Variants in GRM7 observed in about 807,000 individuals in gnomAD.
GRM7 encodes metabotropic glutamate receptor 7.
A neutral mutation model predicts 84.5 loss-of-function variants in GRM7; 35 were observed. That is an observed-to-expected ratio of 0.41 (90% CI 0.32 to 0.55). GRM7 has a LOEUF of 0.55. GRM7 is among the 20% of genes least tolerant of loss of function. The pLI is 0.19. For missense variants in GRM7, 1,003 were observed against 1,194.6 expected (o/e 0.84, Z 2.36); for synonymous variants, 487 against 455.1 (o/e 1.07, Z -0.89).
intron 8 of GRM7, among the ~76,000 whole-genome samples, chr3:7,664,457 G>T (rs78890991): frequency 1.3e-5 from 2 of 152,148 alleles, no homozygotes; most frequent in Admixed American, 1.3e-4. Context: ...GTACCTTTCC[G>T]AGTATCTCAT....
intron 5 of GRM7, among the ~76,000 whole-genome samples, chr3:7,451,175 A>C (rs1697751488): frequency 6.6e-6 from 1 of 152,212 alleles, no homozygotes; most frequent in African/African-American, 2.4e-5. Flanking sequence ...CAAGAGGTCT[A>C]GAGAGAGCTA....
intron 4 of GRM7, among the ~76,000 whole-genome samples, chr3:7,311,172 A>G (rs1700377685): frequency 6.6e-6 from 1 of 152,228 alleles, no homozygotes; most frequent in Non-Finnish European, 1.5e-5. Flanking sequence ...ATTCAAATAT[A>G]CCTGGGAAAT....
intron 7 of GRM7, among the ~76,000 whole-genome samples, chr3:7,552,168 C>A (rs1315055365): frequency 4.6e-5 from 7 of 152,196 alleles, no homozygotes; most frequent in Non-Finnish European, 1.0e-4. Flanking sequence ...GCCAGGCAGT[C>A]AAATCTTAAA....
At chr3:7,141,145 A>G (rs1288176004) in intron 1 of GRM7, among the ~76,000 whole-genome samples, 1 of 152,082 alleles carries the variant, frequency 6.6e-6, no homozygotes, top group Admixed American at 6.6e-5. Context: ...TGGAAACTCT[A>G]GCTGAAGTAA....
At chr3:7,157,496 CCTT>C (rs1439997560) in intron 2 of GRM7, among the ~76,000 whole-genome samples, 2 of 150,518 alleles carry the variant, frequency 1.3e-5, no homozygotes. Flanking sequence ...ATTTTTTTTT[CCTT>C]CTTCTTTTTT....
intron 2 of GRM7, among the ~76,000 whole-genome samples, chr3:7,281,943 C>T (rs1356847263): frequency 1.3e-5 from 2 of 152,062 alleles, no homozygotes; most frequent in Non-Finnish European, 2.9e-5. Context: ...ATTAGCCGGG[C>T]GTGGCAGCGT....
At chr3:7,146,768 A>G (rs1196210557) in intron 2 of GRM7, 100 bp downstream of exon 2, 1 of 777,192 alleles carries the variant, frequency 1.3e-6, no homozygotes, top group Non-Finnish European at 2.1e-6. Context: ...AGACTCTTAC[A>G]TTCCCAGAGT....
chr3:7,560,664 C>A (rs1253639181), intron 7 of GRM7, among the ~76,000 whole-genome samples: 1 of 152,040 alleles, frequency 6.6e-6, no homozygotes, highest in African/African-American at 2.4e-5. Flanking sequence ...GTTCTAATAC[C>A]TGGAGCTTTT....
At chr3:7,662,954 A>C (rs1699530838) in intron 8 of GRM7, among the ~76,000 whole-genome samples, 1 of 152,216 alleles carries the variant, frequency 6.6e-6, no homozygotes, top group Non-Finnish European at 1.5e-5. Context: ...TTTCTGAGAG[A>C]TGCTGATGTG....
intron 2 of GRM7, among the ~76,000 whole-genome samples, chr3:7,230,639 A>G (rs891682447): frequency 1.3e-5 from 2 of 152,224 alleles, no homozygotes; most frequent in African/African-American, 2.4e-5. Context: ...GAAGGTGGGT[A>G]TGGGTCAGCG....
chr3:7,228,005 C>T (rs763932826), intron 2 of GRM7, among the ~76,000 whole-genome samples: 1 of 152,146 alleles, frequency 6.6e-6, no homozygotes, highest in Non-Finnish European at 1.5e-5. Flanking sequence ...CAGAATATAA[C>T]CAGAAAGTTA....
chr3:7,174,918 G>A (rs1695096036), intron 2 of GRM7, among the ~76,000 whole-genome samples: 1 of 152,156 alleles, frequency 6.6e-6, no homozygotes, highest in South Asian at 2.1e-4. Flanking sequence ...TCAGTAAAAT[G>A]AGAATGACAA....
intron 9 of GRM7, chr3:7,691,306 A>G: frequency 8.0e-7 from 1 of 1,254,266 alleles, no homozygotes; most frequent in East Asian, 5.6e-5. Flanking sequence ...AAAACATGAC[A>G]TGGATCAGCA....
At chr3:7,549,111 GCTAA>G (rs1467588073) in intron 7 of GRM7, among the ~76,000 whole-genome samples, 2 of 152,102 alleles carry the variant, frequency 1.3e-5, no homozygotes, top group East Asian at 3.9e-4. Context: ...CTATGAGAGA[GCTAA>G]CTATTAGAAT....
Position 7,129,420 on chromosome 3 carries a change from C to A in GRM7, c.520-17032C>A, listed in dbSNP as rs550203558. Among the ~76,000 whole-genome samples the A allele has an allele frequency of 3.3e-5, 5 of 152,040 alleles. No individual in the cohort carries two copies. The South Asian group carries it at 6.2e-4, about 19-fold the overall frequency. On this transcript the variant is annotated intron_variant, in intron 1 of 9. Transcript: ENST00000357716. ...TCTATATTCCTTAGTCTTTCTTAGT[C>A]GAAGAACTAAGCTTGATTCGAGGTG...
chr3:6,897,283 A>G (rs767967077), intron 1 of GRM7, among the ~76,000 whole-genome samples: 1 of 152,190 alleles, frequency 6.6e-6, no homozygotes, highest in Non-Finnish European at 1.5e-5. Flanking sequence ...CCAGCACATC[A>G]GCATCACTGG....
intron 4 of GRM7, among the ~76,000 whole-genome samples, chr3:7,324,321 G>A (rs372178053): frequency 1.3e-5 from 2 of 152,134 alleles, no homozygotes; most frequent in Non-Finnish European, 2.9e-5. Flanking sequence ...GGAAGAAGTG[G>A]AGGAATCACT....
At chr3:7,058,684 C>A (rs1425107894) in intron 1 of GRM7, among the ~76,000 whole-genome samples, 4 of 151,852 alleles carry the variant, frequency 2.6e-5, no homozygotes, top group Admixed American at 2.6e-4. Context: ...AAAGGGTACA[C>A]TCGCCAGCTG....
At chr3:7,485,564 A>G (rs1699289871) in intron 7 of GRM7, among the ~76,000 whole-genome samples, 1 of 152,220 alleles carries the variant, frequency 6.6e-6, no homozygotes, top group Non-Finnish European at 1.5e-5. Flanking sequence ...GGAAAAATTA[A>G]TTTCAAGAAA....
Sources: gnomAD v4.1 joint callset for allele counts (sites outside exome capture counted in the v4.1 genomes callset) on GRCh38, gnomAD v4.1.1 for gene constraint, MANE v1.5 for transcripts, NCBI Gene and HGNC (gene_info 2026-07-23, HGNC 2026-07-21) for gene names.